IL1RAP: variants seen among roughly 807,000 people sequenced by gnomAD.
The protein encoded by IL1RAP is interleukin 1 receptor accessory protein, also known as interleukin-1 receptor accessory protein.
In IL1RAP, 35 loss-of-function variants were observed where a neutral mutation model predicts 60.7. The ratio of observed to expected loss-of-function variants is 0.58; its 90% CI spans 0.44 to 0.76. IL1RAP has a LOEUF of 0.76. IL1RAP is among the 30% of genes least tolerant of loss of function. The pLI is 0.00. For missense variants in IL1RAP, 572 were observed against 693.9 expected, an observed-to-expected ratio of 0.82 and a Z score of 1.97; for synonymous variants, 268 against 250.9, an observed-to-expected ratio of 1.07 and a Z score of -0.64.
intron 6 of IL1RAP, 46 bp downstream of exon 6, chr3:190,620,486 C>G: frequency 6.7e-7 from 1 of 1,493,206 alleles, no homozygotes; most frequent in Non-Finnish European, 9.1e-7. Context: ...ATGTGATCAT[C>G]TTGTTATGGT....
At chr3:190,551,726 C>G (rs111866032) in intron 1 of IL1RAP, among the ~76,000 whole-genome samples, 2,498 of 152,194 alleles carry the variant, frequency 0.016, 33 homozygotes, top group Middle Eastern at 0.051. Context: ...TGTCAAAGTT[C>G]TATAGCTCAT....
At chr3:190,644,452 G>A (rs1012447780) in intron 10 of IL1RAP, 55 bp downstream of exon 10, 78 of 1,340,224 alleles carry the variant, frequency 5.8e-5, no homozygotes, top group Non-Finnish European at 8.0e-5. Flanking sequence ...TAGAACATAT[G>A]TTGTAAAAAA....
intron 2 of IL1RAP, among the ~76,000 whole-genome samples, chr3:190,560,047 C>T (rs1454113415): frequency 1.3e-5 from 2 of 152,190 alleles, no homozygotes; most frequent in African/African-American, 4.8e-5. Context: ...CCACAAAAGA[C>T]TGATGATGAA....
At chr3:190,631,145 G>A (rs747553448) in intron 9 of IL1RAP, among the ~76,000 whole-genome samples, 6 of 152,142 alleles carry the variant, frequency 3.9e-5, no homozygotes, top group Non-Finnish European at 8.8e-5. Context: ...GGATTATAGT[G>A]GCAGGATGTT....
At chr3:190,627,238 C>T in intron 7 of IL1RAP, 85 bp from the exon 8 acceptor site, 1 of 1,193,064 alleles carries the variant, frequency 8.4e-7, no homozygotes. Context: ...CACTAATGGG[C>T]TAACTTTGTC....
chr3:190,589,900 G>T (rs1193641980), intron 3 of IL1RAP, among the ~76,000 whole-genome samples: 1 of 152,192 alleles, frequency 6.6e-6, no homozygotes, highest in Non-Finnish European at 1.5e-5. Flanking sequence ...GAGAGTTCAT[G>T]CTCAGACTGC....
intron 7 of IL1RAP, chr3:190,625,256 T>G (rs887229011): frequency 6.6e-6 from 1 of 152,156 alleles, no homozygotes; most frequent in African/African-American, 2.4e-5. Flanking sequence ...TCAGAAAAAT[T>G]GTATGGAGTC....
At chr3:190,588,539 T>C (rs568659931) in intron 3 of IL1RAP, among the ~76,000 whole-genome samples, 14 of 152,330 alleles carry the variant, frequency 9.2e-5, no homozygotes, top group African/African-American at 3.4e-4. Flanking sequence ...CTGGAATATA[T>C]ACCTGGACAC....
intron 1 of IL1RAP, among the ~76,000 whole-genome samples, chr3:190,521,280 C>T (rs932788164): frequency 2.0e-5 from 3 of 151,664 alleles, no homozygotes; most frequent in African/African-American, 7.3e-5. Flanking sequence ...ATTGTATATG[C>T]AAATGTATAC....
chr3:190,658,582 C>T (rs1340358115), exon 12 of IL1RAP: 1 of 152,086 alleles, frequency 6.6e-6, no homozygotes, highest in Non-Finnish European at 1.5e-5. Context: ...ATGAGCAGAA[C>T]CAAAAAAGCA....
chr3:190,518,711 CA>C (rs994306695), intron 1 of IL1RAP: 3 of 152,304 alleles, frequency 2.0e-5, no homozygotes, highest in Admixed American at 1.3e-4. Context: ...GGCAGCAGGC[CA>C]AAAAAGAGAA....
intron 9 of IL1RAP, among the ~76,000 whole-genome samples, chr3:190,630,726 G>A (rs7642797): frequency 0.9 from 136,967 of 152,238 alleles, 61,819 homozygotes; most frequent in East Asian, 1. Flanking sequence ...TTGAGTTCTC[G>A]GGAACACTAC....
intron 1 of IL1RAP, among the ~76,000 whole-genome samples, chr3:190,548,576 C>T (rs375964897): frequency 2.0e-5 from 3 of 152,276 alleles, no homozygotes; most frequent in East Asian, 3.9e-4. Flanking sequence ...GGACTATACA[C>T]TGTGGACACA....
Position 190,650,364 on chromosome 3 carries a change from G to A in IL1RAP, c.*1659G>A. 1 of 985,382 alleles carries A rather than the reference G, an allele frequency of 1.0e-6. No homozygotes were observed. The highest frequency in any genetic ancestry group is 1.2e-6 in the Non-Finnish European group (1 of 829,904). 61.0% of individuals were successfully genotyped at this position (985,382 alleles called of 1,614,324 possible). On this transcript the variant is annotated 3_prime_UTR_variant, in exon 12 of 12. Coordinates refer to ENST00000447382, the MANE Select transcript of IL1RAP (RefSeq NM_002182.4). ...CTTCCATGGTCACTGCTAAGCAGTA[G>A]CCAGCCATCGGGCATTAATTGATTT...
intron 10 of IL1RAP, 74 bp from the exon 11 acceptor site, chr3:190,645,625 G>A: frequency 8.1e-7 from 1 of 1,235,120 alleles, no homozygotes; most frequent in Non-Finnish European, 1.1e-6. Flanking sequence ...ATATGCAGAA[G>A]TTAGATTTAA....
downstream of IL1RAP, among the ~76,000 whole-genome samples, chr3:190,651,820 GAGAC>G (rs1270512648): frequency 2.0e-5 from 3 of 151,252 alleles, no homozygotes; most frequent in Admixed American, 2.0e-4. Context: ...TGTATGCAGA[GAGAC>G]AGAAAGACTG....
chr3:190,659,290 T>C (rs2108878309), exon 12 of IL1RAP: 1 of 152,336 alleles, frequency 6.6e-6, no homozygotes, highest in Non-Finnish European at 1.5e-5. Flanking sequence ...TAGAAAATTT[T>C]GGTGCTCTCA....
At chr3:190,651,712 A>C (rs1409609439), downstream of IL1RAP, among the ~76,000 whole-genome samples, 1 of 152,168 alleles carries the variant, frequency 6.6e-6, no homozygotes, top group Admixed American at 6.5e-5. Flanking sequence ...AGTAAAAGTT[A>C]CTTAAGTAAA....
Position 190,625,847 on chromosome 3 carries a change from ATATATTTGTC to A in IL1RAP, c.776-1473_776-1464del, listed in dbSNP as rs369159386. On this transcript the variant is annotated intron_variant, in intron 7 of 11. Transcript: ENST00000447382. ...GGGTAAACCCTTATTAATAACATAAATATATTTGTCTACCTGTCAAACTATGCTGACAGAA... is the reference window on the plus strand; with the variant it reads ...GGGTAAACCCTTATTAATAACATAAATACCTGTCAAACTATGCTGACAGAA... Among the ~76,000 whole-genome samples the A allele has an allele frequency of 5.5e-3, 844 of 152,288 alleles. 9 individuals are homozygous for A. The highest frequency in any genetic ancestry group is 0.02 in the African/African-American group (812 of 41,552).
Sources: allele counts gnomAD v4.1 joint callset (sites outside exome capture counted in the v4.1 genomes callset), GRCh38; gene constraint gnomAD v4.1.1; transcripts MANE v1.5; gene names NCBI Gene and HGNC (gene_info 2026-07-23, HGNC 2026-07-21).